The following ELP2 variants were observed in gnomAD, a reference collection of about 807,000 sequenced individuals.
The protein encoded by ELP2 is elongator complex protein 2.
In ELP2, 90 loss-of-function variants were observed where a neutral mutation model predicts 119.2. The observed-to-expected ratio is 0.75, with a 90% confidence interval of 0.64 to 0.90. ELP2 has a LOEUF of 0.90. ELP2 is among the 40% of genes least tolerant of loss of function. ELP2 has a pLI of 0.00. For synonymous variants in ELP2, 339 were observed against 331.0 expected (o/e 1.02, Z -0.26); for missense variants, 921 against 967.8 (o/e 0.95, Z 0.64).
chr18:36,162,267 A>G (rs1455304530), intron 17 of ELP2, among the ~76,000 whole-genome samples: 4 of 151,980 alleles, frequency 2.6e-5, no homozygotes, highest in African/African-American at 9.7e-5. Flanking sequence ...GCTTTTTGTC[A>G]TGATAGAGTA....
chr18:36,166,216 T>TA lies in ELP2; in HGVS notation c.1955-883dup, dbSNP rs2090890302. ...CCCCTGCAAAAAAAAATTGTATTAA[T>TA]AACATATTTATTAATTTGTTATATC... is the stretch of plus-strand genomic sequence containing the variant. On this transcript the variant is annotated intron_variant, in intron 18 of 21. Coordinates refer to ENST00000358232, the MANE Select transcript of ELP2 (RefSeq NM_018255.4). Among the ~76,000 whole-genome samples the TA allele has an allele frequency of 2.6e-5, 4 of 151,042 alleles. No individual in the cohort carries two copies. The South Asian group carries it at 8.4e-4, about 32-fold the overall frequency.
At position 36,142,852 on chromosome 18, in the gene ELP2, T is replaced by TCAC; in HGVS notation, c.683_685dup (p.Ser228_Gln229insPro). 6.2e-7 allele frequency: 1 copy of TCAC among 1,606,056 alleles called. No individual in the cohort carries two copies. ...TAGAGATCTTTTCCTAGCAAGCTGTTCACAAGATTGCCTGATAAGAATATG... is the reference window on the plus strand; with the variant it reads ...TAGAGATCTTTTCCTAGCAAGCTGTTCACCACAAGATTGCCTGATAAGAATATG... On this transcript the variant is annotated inframe_insertion, in exon 8 of 22. Coordinates refer to ENST00000358232, the MANE Select transcript of ELP2 (RefSeq NM_018255.4).
At chr18:36,136,761 T>A (rs191744436) in intron 3 of ELP2, 42 of 177,240 alleles carry the variant, frequency 2.4e-4, no homozygotes, top group African/African-American at 9.8e-4. Context: ...TCTACTCCCA[T>A]ATTTGTATGC....
chr18:36,133,736 A>ATTT lies in ELP2; in HGVS notation c.217+428_217+430dup, dbSNP rs10535065. The stretch of plus-strand genomic sequence containing the variant: ...TATTTACTTATTTATTTATTTATTT[A>ATTT]TTTTTTTTTTGCCAACTAGTTGGAG... On this transcript the variant is annotated intron_variant, in intron 2 of 21. Transcript: ENST00000358232. 1.3e-3 allele frequency among the ~76,000 whole-genome samples: 184 copies of ATTT among 146,318 alleles called. 1 individual carries two copies. Among genetic ancestry groups the ATTT allele is most frequent in the African/African-American group, 4.5e-3 (176 of 38,778 alleles).
intron 8 of ELP2, 57 bp from the exon 9 acceptor site, chr18:36,144,882 A>C (rs1879456855): frequency 7.0e-7 from 1 of 1,419,250 alleles, no homozygotes. Context: ...TTGGTTATGG[A>C]AATATTCTTT....
chr18:36,146,163 A>G, intron 10 of ELP2, 87 bp from the exon 11 acceptor site: 1 of 1,585,906 alleles, frequency 6.3e-7, no homozygotes, highest in Non-Finnish European at 8.7e-7. Flanking sequence ...AAATAGTGGG[A>G]ATTTAACAGT....
chr18:36,170,950 G>A, intron 20 of ELP2, 97 bp from the exon 21 acceptor site: 1 of 852,660 alleles, frequency 1.2e-6, no homozygotes, highest in Non-Finnish European at 2.0e-6. Flanking sequence ...GTAAGGCAGG[G>A]ACAGTTGGGA....
intron 5 of ELP2, chr18:36,139,614 G>A (rs2089953123): frequency 6.6e-7 from 1 of 1,522,766 alleles, no homozygotes; most frequent in Non-Finnish European, 8.8e-7. Flanking sequence ...TTCAGGCCAA[G>A]TGACTGGAGT....
At chr18:36,168,607 A>G (rs1426010247) in intron 19 of ELP2, among the ~76,000 whole-genome samples, 1 of 152,158 alleles carries the variant, frequency 6.6e-6, no homozygotes, top group East Asian at 1.9e-4. Flanking sequence ...TGAGAAGAGC[A>G]TGGAGGTAAC....
At chr18:36,140,095 C>T (rs1485382693) in intron 5 of ELP2, among the ~76,000 whole-genome samples, 7 of 152,072 alleles carry the variant, frequency 4.6e-5, no homozygotes, top group Non-Finnish European at 8.8e-5. Context: ...TCTCCTGTCT[C>T]GGCCTCCCAA....
At position 36,159,992 on chromosome 18, in the gene ELP2, T is replaced by G; in HGVS notation, c.1665T>G (p.Thr555=). Residue 555 remains threonine, a synonymous_variant, in exon 16 of 22, where the codon ACT becomes ACG. Transcript: ENST00000358232. ...CTGAGGATCATCTTCTGCAGAATAC[T>G]TTGTGGCCTGAAGTTCAAAAACTGT... The part of the protein sequence containing the change: ...PPTEDHLLQN[T]LWPEVQKLYG... 1 of 1,614,088 alleles carries G rather than the reference T, an allele frequency of 6.2e-7. No individual in the cohort carries two copies. Among genetic ancestry groups the G allele is most frequent in the Non-Finnish European group, 8.5e-7 (1 of 1,180,020 alleles).
At chr18:36,157,486 A>T (rs946068037) in intron 13 of ELP2, among the ~76,000 whole-genome samples, 109 of 152,226 alleles carry the variant, frequency 7.2e-4, no homozygotes, top group African/African-American at 2.5e-3. Context: ...AAGTGGGGAG[A>T]ATGGGGAAAG....
intron 11 of ELP2, among the ~76,000 whole-genome samples, chr18:36,148,416 G>A (rs1327779722): frequency 3.9e-5 from 6 of 152,116 alleles, no homozygotes; most frequent in African/African-American, 7.2e-5. Context: ...GAAGATTAGA[G>A]GCCTGACCCT....
intron 21 of ELP2, 103 bp from the exon 22 acceptor site, chr18:36,174,382 C>A: frequency 1.8e-6 from 2 of 1,135,286 alleles, no homozygotes; most frequent in Non-Finnish European, 2.6e-6. Context: ...GTTAATGATG[C>A]GATTTTAAAA....
chr18:36,149,488 G>GTT (rs71166097), intron 11 of ELP2, among the ~76,000 whole-genome samples: 38 of 125,092 alleles, frequency 3.0e-4, no homozygotes, highest in Admixed American at 1.4e-3. Context: ...GTTTTGTTTT[G>GTT]TTTTTTTTTT....
chr18:36,141,952 G>A (rs1045232045), intron 6 of ELP2, among the ~76,000 whole-genome samples: 5 of 151,948 alleles, frequency 3.3e-5, no homozygotes, highest in African/African-American at 9.7e-5. Flanking sequence ...CCTCAGCCTC[G>A]CAAGGTATTA....
rs1390452411 is a variant in ELP2 at position 36,174,891 on chromosome 18, C to G, written c.*250C>G. On this transcript the variant is annotated 3_prime_UTR_variant, in exon 22 of 22. Transcript: ENST00000358232. Reference sequence around the variant, plus strand: ...TGTATTTTTAGTAGAGACTGGGTTTCACCGTTGGCCAGGCGGGTCTCAAAC... The same window carrying G: ...TGTATTTTTAGTAGAGACTGGGTTTGACCGTTGGCCAGGCGGGTCTCAAAC... 2.5e-6 allele frequency: 1 copy of G among 405,018 alleles called. No individual in the cohort carries two copies. The highest frequency in any genetic ancestry group is 2.0e-5 in the African/African-American group (1 of 49,088). 25.1% of individuals were successfully genotyped at this position (405,018 alleles called of 1,614,324 possible).
chr18:36,164,760 A>T (rs1333771622), intron 18 of ELP2, 93 bp downstream of exon 18: 3 of 1,218,954 alleles, frequency 2.5e-6, no homozygotes, highest in African/African-American at 3.0e-5. Context: ...AAGATAACAG[A>T]GTGAAGGGTA....
At chr18:36,139,985 C>T (rs1190028937) in intron 5 of ELP2, among the ~76,000 whole-genome samples, 1 of 151,754 alleles carries the variant, frequency 6.6e-6, no homozygotes, top group African/African-American at 2.4e-5. Flanking sequence ...GCTGGGACTA[C>T]AAGCATGCTC....
Sources: gnomAD v4.1 joint callset for allele counts (sites outside exome capture counted in the v4.1 genomes callset) on GRCh38, gnomAD v4.1.1 for gene constraint, MANE v1.5 for transcripts, NCBI Gene and HGNC (gene_info 2026-07-23, HGNC 2026-07-21) for gene names.